The following RAD51B variants were observed in gnomAD, a reference collection of about 807,000 sequenced individuals.
RAD51B encodes RAD51 paralog B, also known as DNA repair protein RAD51 homolog 2.
A neutral mutation model predicts 42.2 loss-of-function variants in RAD51B; 38 were observed. That is an observed-to-expected ratio of 0.90 (90% CI 0.70 to 1.18). RAD51B has a LOEUF of 1.18. RAD51B is among the 50% of genes most tolerant of loss of function. The probability of loss-of-function intolerance (pLI) is 0.00; values close to 1 mark genes in which losing one functional copy is unlikely to be tolerated. For synonymous variants in RAD51B, 154 were observed against 145.2 expected (o/e 1.06, Z -0.43); for missense variants, 373 against 400.7 (o/e 0.93, Z 0.59).
At chr14:68,052,587 T>C (rs527930791) in intron 7 of RAD51B, among the ~76,000 whole-genome samples, 1 of 151,958 alleles carries the variant, frequency 6.6e-6, no homozygotes, top group South Asian at 2.1e-4. Flanking sequence ...GATGTCTTCA[T>C]TTTATCTGTC....
chr14:68,185,875 G>T (rs2079147904), intron 7 of RAD51B, among the ~76,000 whole-genome samples: 1 of 152,176 alleles, frequency 6.6e-6, no homozygotes, highest in East Asian at 1.9e-4. Flanking sequence ...ACAGGCCACA[G>T]ACCAGTGTTG....
At chr14:68,379,915 C>A (rs776289720) in intron 8 of RAD51B, among the ~76,000 whole-genome samples, 1 of 152,190 alleles carries the variant, frequency 6.6e-6, no homozygotes, top group Non-Finnish European at 1.5e-5. Context: ...CCGCTGTTGG[C>A]GGCTGCTGTG....
intron 10 of RAD51B, chr14:68,497,834 A>C (rs1449932781): frequency 4.7e-6 from 1 of 214,612 alleles, no homozygotes; most frequent in African/African-American, 2.3e-5. Context: ...TGTAGCGTGC[A>C]TCAGTACTTC....
chr14:68,095,520 A>G (rs1352459286), intron 7 of RAD51B, among the ~76,000 whole-genome samples: 1 of 151,830 alleles, frequency 6.6e-6, no homozygotes, highest in Non-Finnish European at 1.5e-5. Flanking sequence ...CCTCCCTTCA[A>G]TTTCATGTAT....
intron 7 of RAD51B, among the ~76,000 whole-genome samples, chr14:68,073,075 T>G (rs1246487861): frequency 6.6e-6 from 1 of 151,910 alleles, no homozygotes; most frequent in Non-Finnish European, 1.5e-5. Flanking sequence ...AGTTTAAGTC[T>G]CCAATATTCT....
In RAD51B at chr14:68,220,411, A is replaced by G. The variant is rs1450221541; in HGVS notation, c.757-71473A>G. Among the ~76,000 whole-genome samples the G allele has an allele frequency of 2.0e-5, 3 of 152,250 alleles. No homozygotes were observed. The East Asian group carries it at 5.8e-4, about 29-fold the overall frequency. On this transcript the variant is annotated intron_variant, in intron 7 of 10. Coordinates refer to ENST00000471583, the MANE Select transcript of RAD51B (RefSeq NM_133510.4). ...ACAGAAAAAGCATTTGACAAAATCCAGCATCCCTTTATGATTAATACCCTC... is the reference window on the plus strand; with the variant it reads ...ACAGAAAAAGCATTTGACAAAATCCGGCATCCCTTTATGATTAATACCCTC...
intron 7 of RAD51B, among the ~76,000 whole-genome samples, chr14:68,015,865 C>T (rs2075770801): frequency 6.6e-6 from 1 of 152,204 alleles, no homozygotes; most frequent in Admixed American, 6.5e-5. Flanking sequence ...ACCATTTATT[C>T]ATTTATAAAT....
chr14:68,246,293 G>A (rs988340962), intron 7 of RAD51B, among the ~76,000 whole-genome samples: 2 of 151,682 alleles, frequency 1.3e-5, no homozygotes, highest in Admixed American at 1.3e-4. Context: ...GCAGATTATT[G>A]GAAAGCCTTG....
chr14:67,967,392 G>T (rs982237810), intron 7 of RAD51B, among the ~76,000 whole-genome samples: 1 of 152,130 alleles, frequency 6.6e-6, no homozygotes, highest in Non-Finnish European at 1.5e-5. Flanking sequence ...ACTCATTTCA[G>T]CATTAACTCA....
At chr14:68,198,116 C>T (rs1277067817) in intron 7 of RAD51B, among the ~76,000 whole-genome samples, 2 of 152,120 alleles carry the variant, frequency 1.3e-5, no homozygotes, top group Non-Finnish European at 2.9e-5. Flanking sequence ...GAATTAATCT[C>T]TATGTGTGTC....
intron 7 of RAD51B, among the ~76,000 whole-genome samples, chr14:68,099,480 C>A (rs2077252980): frequency 6.6e-6 from 1 of 152,148 alleles, no homozygotes; most frequent in South Asian, 2.1e-4. Context: ...ATTTTGGATC[C>A]TGTTCCTTGC....
intron 4 of RAD51B, among the ~76,000 whole-genome samples, chr14:67,857,194 C>T (rs937063719): frequency 1.3e-5 from 2 of 151,878 alleles, no homozygotes; most frequent in African/African-American, 4.8e-5. Flanking sequence ...CCCATAAAAT[C>T]GCATATGGTA....
chr14:68,594,857 C>T, exon 11 of RAD51B: 6 of 1,178,402 alleles, frequency 5.1e-6, no homozygotes, highest in Non-Finnish European at 6.4e-6. Flanking sequence ...CCAAATGTCC[C>T]AGGCACACAG....
At chr14:68,486,840 G>A (rs1194692190) in intron 10 of RAD51B, among the ~76,000 whole-genome samples, 3 of 152,196 alleles carry the variant, frequency 2.0e-5, no homozygotes, top group Admixed American at 2.0e-4. Flanking sequence ...GGTTTAGTGA[G>A]ATGGCCTGAG....
chr14:68,004,202 G>A (rs1157032698), intron 7 of RAD51B, among the ~76,000 whole-genome samples: 1 of 151,810 alleles, frequency 6.6e-6, no homozygotes, highest in Non-Finnish European at 1.5e-5. Context: ...GTGTGGTGGC[G>A]GGTGCCTGTA....
intron 11 of RAD51B, among the ~76,000 whole-genome samples, chr14:68,658,488 A>C (rs1215759111): frequency 6.6e-6 from 1 of 152,244 alleles, no homozygotes; most frequent in Non-Finnish European, 1.5e-5. Flanking sequence ...AACAGCCGTC[A>C]TAGTGCCAAG....
chr14:68,401,629 C>A (rs1008122539), intron 8 of RAD51B, among the ~76,000 whole-genome samples: 1 of 152,148 alleles, frequency 6.6e-6, no homozygotes, highest in African/African-American at 2.4e-5. Flanking sequence ...CTCCTTTCAC[C>A]TCCAGCCAAG....
intron 7 of RAD51B, among the ~76,000 whole-genome samples, chr14:68,017,127 A>G (rs75054768): frequency 0.016 from 2,450 of 152,252 alleles, 59 homozygotes; most frequent in African/African-American, 0.054. Context: ...CATTTTTGTC[A>G]CAAAACCAAA....
chr14:68,144,467 G>T (rs2078208933), intron 7 of RAD51B, among the ~76,000 whole-genome samples: 1 of 152,226 alleles, frequency 6.6e-6, no homozygotes, highest in Non-Finnish European at 1.5e-5. Flanking sequence ...TGCACAGACT[G>T]ACTTTGTGGC....
Sources: gnomAD v4.1 joint callset for allele counts (sites outside exome capture counted in the v4.1 genomes callset) on GRCh38, gnomAD v4.1.1 for gene constraint, MANE v1.5 for transcripts, NCBI Gene and HGNC (gene_info 2026-07-23, HGNC 2026-07-21) for gene names.